The following DNAJB1 variants were observed in gnomAD, a reference collection of about 807,000 sequenced individuals.
DNAJB1 encodes the protein DnaJ heat shock protein family (Hsp40) member B1, also known as dnaJ homolog subfamily B member 1.
In DNAJB1, 14 loss-of-function variants were observed where a neutral mutation model predicts 24.0. The observed-to-expected ratio is 0.58, with a 90% CI of 0.39 to 0.91. The LOEUF (loss-of-function observed/expected upper bound fraction) is 0.91. Ranked by LOEUF, DNAJB1 falls within the 40% of genes least tolerant of loss-of-function variation. The pLI is 0.00. For missense variants in DNAJB1, 517 were observed against 458.1 expected, an observed-to-expected ratio of 1.13 and a Z score of -1.17; for synonymous variants, 262 against 174.4, an observed-to-expected ratio of 1.50 and a Z score of -3.96.
intron 1 of DNAJB1, among the ~76,000 whole-genome samples, chr19:14,548,993 A>G (rs1340691448): frequency 6.7e-6 from 1 of 149,886 alleles, no homozygotes; most frequent in Non-Finnish European, 1.5e-5. Context: ...TAATTTTCAC[A>G]TATCATGAAA....
At chr19:14,518,604 A>G (rs2072322614), upstream of DNAJB1, among the ~76,000 whole-genome samples, 1 of 151,492 alleles carries the variant, frequency 6.6e-6, no homozygotes, top group African/African-American at 2.4e-5. Flanking sequence ...CGCCCTCGGC[A>G]ACACCTCCCC....
At chr19:14,522,683 GACACACACAC>G (rs56121204), upstream of DNAJB1, among the ~76,000 whole-genome samples, 2,654 of 117,852 alleles carry the variant, frequency 0.023, 33 homozygotes, top group African/African-American at 0.025. Context: ...CACACACACA[GACACACACAC>G]ACACACACAC....
intron 1 of DNAJB1, among the ~76,000 whole-genome samples, chr19:14,541,004 T>TTAG (rs2073078868): frequency 6.6e-6 from 1 of 152,060 alleles, no homozygotes; most frequent in Admixed American, 6.6e-5. Flanking sequence ...TTTGGTATTT[T>TTAG]TAGTAGAGAC....
upstream of DNAJB1, chr19:14,531,746 TC>T (rs2072675982): frequency 1.3e-5 from 2 of 152,124 alleles, no homozygotes; most frequent in Admixed American, 1.3e-4. Context: ...AACCCACAAA[TC>T]CTGTAATTTT....
upstream of DNAJB1, chr19:14,534,053 G>GC (rs1474339759): frequency 6.6e-6 from 1 of 151,984 alleles, no homozygotes; most frequent in Non-Finnish European, 1.5e-5. Context: ...CCAGGTCACT[G>GC]CCCATTTCCC....
At chr19:14,543,042 T>G (rs1459365041) in intron 1 of DNAJB1, among the ~76,000 whole-genome samples, 3 of 94,218 alleles carry the variant, frequency 3.2e-5, no homozygotes, top group South Asian at 3.5e-4. Flanking sequence ...GGCCAGAGCG[T>G]GGGATCTGGG....
At position 14,543,395 on chromosome 19, in the gene DNAJB1, A is replaced by T. The variant is rs1331394992; in HGVS notation, c.-214+6813T>A. Among the ~76,000 whole-genome samples the T allele has an allele frequency of 0.017, 106 of 6,394 alleles. 5 individuals carry two copies. In the South Asian group the frequency reaches 0.33, roughly 20 times the overall value. 4.2% of individuals were successfully genotyped at this position (6,394 alleles called of 152,430 possible). On this transcript the variant is annotated intron_variant, in intron 1 of 3. Coordinates refer to the DNAJB1 transcript ENST00000676982. The stretch of plus-strand genomic sequence containing the variant: ...ATACTACTTGTTTCAGAGAATATAT[A>T]TATATATATATATATATATATATAT...
At chr19:14,518,837 C>T (rs1397054582), upstream of DNAJB1, among the ~76,000 whole-genome samples, 1 of 152,262 alleles carries the variant, frequency 6.6e-6, no homozygotes, top group Non-Finnish European at 1.5e-5. Context: ...GCCCTTGTCT[C>T]GTGGGGCCTG....
chr19:14,516,207 G>A, intron 2 of DNAJB1, 37 bp from the exon 3 acceptor site: 1 of 1,607,062 alleles, frequency 6.2e-7, no homozygotes, highest in Non-Finnish European at 8.5e-7. Flanking sequence ...ATGGAAGCTG[G>A]CTCAAGAGGC....
rs553411834 is a variant in DNAJB1, at chr19:14,541,480, G to A, written c.-214+8728C>T. On this transcript the variant is annotated intron_variant, in intron 1 of 3. Coordinates refer to the DNAJB1 transcript ENST00000676982. ...TTTCCCGTCATAGGACCCTGCCTCT[G>A]TTTTCCAGTCCATCACTTATTCATT... Among the ~76,000 whole-genome samples, 8 of 152,342 alleles carry A rather than the reference G, an allele frequency of 5.3e-5. No homozygotes were observed. In the East Asian group the frequency reaches 1.2e-3, roughly 22 times the overall value.
At chr19:14,544,027 C>T (rs551223974) in intron 1 of DNAJB1, among the ~76,000 whole-genome samples, 3 of 152,230 alleles carry the variant, frequency 2.0e-5, no homozygotes, top group African/African-American at 4.8e-5. Flanking sequence ...TGTGAGCCAA[C>T]GTGCCGGGCC....
At chr19:14,558,476 CT>C (rs2073807586) in intron 1 of DNAJB1, among the ~76,000 whole-genome samples, 1 of 152,166 alleles carries the variant, frequency 6.6e-6, no homozygotes, top group African/African-American at 2.4e-5. Context: ...TGACCTCGTG[CT>C]GCGACGAGTT....
upstream of DNAJB1, among the ~76,000 whole-genome samples, chr19:14,551,979 CTTT>C (rs754053975): frequency 1.1e-5 from 1 of 89,718 alleles, no homozygotes; most frequent in Non-Finnish European, 2.1e-5. Flanking sequence ...CTCTTTCTCT[CTTT>C]TTTTTTTTTT....
chr19:14,532,028 AAAAG>A (rs1226521079), upstream of DNAJB1: 3 of 150,638 alleles, frequency 2.0e-5, no homozygotes, highest in Non-Finnish European at 4.4e-5. Flanking sequence ...AAAAAAAAAA[AAAAG>A]CTACCATGTC....
upstream of DNAJB1, among the ~76,000 whole-genome samples, chr19:14,522,697 C>CAG (rs1568383663): frequency 6.7e-6 from 1 of 149,922 alleles, no homozygotes; most frequent in Non-Finnish European, 1.5e-5. Context: ...CACACACACA[C>CAG]ACACACACAC....
chr19:14,524,318 C>T (rs2072393572), intron 2 of DNAJB1, among the ~76,000 whole-genome samples: 1 of 151,846 alleles, frequency 6.6e-6, no homozygotes. Flanking sequence ...CACTTGAGCC[C>T]AGGAGTTCCA....
Position 14,518,260 on chromosome 19 carries a change from G to C in DNAJB1, c.90C>G (p.Arg30=), listed in dbSNP as rs1229378962. ...IKRAYRRQAL[R]YHPDKNKEPG... The stretch of plus-strand genomic sequence containing the variant: ...GCTCCTTGTTCTTGTCCGGGTGGTA[G>C]CGCAGCGCCTGGCGGCGGTAGGCCC... The change falls in exon 1 of 3, where the codon CGC becomes CGG. Residue 30 remains arginine (R), a synonymous_variant. Transcript: ENST00000254322. 6.2e-7 allele frequency: 1 copy of C among 1,608,142 alleles called. No individual in the cohort carries two copies. The highest frequency in any genetic ancestry group is 1.3e-5 in the African/African-American group (1 of 74,420).
chr19:14,520,727 C>T (rs1012351646), upstream of DNAJB1, among the ~76,000 whole-genome samples: 11 of 152,138 alleles, frequency 7.2e-5, no homozygotes, highest in South Asian at 2.1e-4. Flanking sequence ...CAGTGGCTCA[C>T]GCCTGTCATC....
At chr19:14,549,836 A>G (rs893159841) in intron 1 of DNAJB1, among the ~76,000 whole-genome samples, 3 of 151,894 alleles carry the variant, frequency 2.0e-5, no homozygotes, top group African/African-American at 7.2e-5. Context: ...CCAGCTACTC[A>G]GGAGGCTGAG....
Sources: allele counts gnomAD v4.1 joint callset (sites outside exome capture counted in the v4.1 genomes callset), GRCh38; gene constraint gnomAD v4.1.1; transcripts MANE v1.5; gene names NCBI Gene and HGNC (gene_info 2026-07-23, HGNC 2026-07-21).